Variants in MIB1 observed in about 807,000 individuals in gnomAD.
MIB1 encodes the protein E3 ubiquitin-protein ligase MIB1.
Under a neutral mutation model 124.5 loss-of-function variants are expected in MIB1, and 278 were observed. That is an observed-to-expected ratio of 2.23 (90% CI 2.02 to 2.47). The LOEUF is 2.47. Among genes scored for constraint, MIB1 ranks in the 30% most tolerant of loss-of-function variants. MIB1 has a pLI of 0.00. For synonymous variants in MIB1, 446 were observed against 429.4 expected (o/e 1.04, Z -0.48); for missense variants, 957 against 1,254.4 (o/e 0.76, Z 3.58).
At chr18:21,724,730 ATATATATAT>A (rs2040732753) in intron 1 of MIB1, among the ~76,000 whole-genome samples, 36 of 41,386 alleles carry the variant, frequency 8.7e-4, no homozygotes, top group Non-Finnish European at 1.1e-3. Flanking sequence ...AAAAAAAAAT[ATATATATAT>A]ATATATATAT....
chr18:21,741,856 A>C lies in MIB1; in HGVS notation c.229+44A>C, dbSNP rs1311490394. 2 of 1,494,634 alleles carry C rather than the reference A, an allele frequency of 1.3e-6. No homozygotes were observed. Among genetic ancestry groups the C allele is most frequent in the East Asian group, 2.5e-5 (1 of 39,800 alleles). The allele number at this position is 1,494,634 out of a possible 1,614,324, so 92.6% of individuals were successfully genotyped here. A position where few individuals can be genotyped will look rare whatever the true frequency, so the allele number is the denominator to read the frequency against. On this transcript the variant is annotated intron_variant, in intron 1 of 20. Coordinates refer to ENST00000261537, the MANE Select transcript of MIB1 (RefSeq NM_020774.4). The surrounding 1 kb of genome is among the most constrained non-coding windows in gnomAD (Gnocchi z 5.4). ...GCCAGGGCTTGCGCGCGCGGGGGGA[A>C]GGGGCGAGCTGCGGTGGGCGTCGGT...
chr18:21,835,138 A>C (rs540069409), intron 12 of MIB1, among the ~76,000 whole-genome samples: 23 of 152,306 alleles, frequency 1.5e-4, no homozygotes, highest in Middle Eastern at 6.8e-3. Flanking sequence ...TTTCAAGAAA[A>C]TATTATGTTT....
At chr18:21,710,280 G>A (rs1262573015) in intron 1 of MIB1, among the ~76,000 whole-genome samples, 1 of 152,066 alleles carries the variant, frequency 6.6e-6, no homozygotes, top group African/African-American at 2.4e-5. Flanking sequence ...ATTTTTTGTA[G>A]AGACGGTTTC....
At chr18:21,779,460 C>T (rs1284930542) in intron 5 of MIB1, 21 bp from the exon 6 acceptor site, 1 of 1,605,644 alleles carries the variant, frequency 6.2e-7, no homozygotes. Context: ...TCCCTTTATT[C>T]AATTGCCTCT....
intron 10 of MIB1, among the ~76,000 whole-genome samples, chr18:21,814,933 A>T (rs1471041141): frequency 6.9e-6 from 1 of 145,616 alleles, no homozygotes; most frequent in East Asian, 2.1e-4. Flanking sequence ...TCTTTGTAAA[A>T]ATTTTTAAAT....
chr18:21,727,204 A>C (rs1415036033), intron 1 of MIB1, among the ~76,000 whole-genome samples: 3 of 152,016 alleles, frequency 2.0e-5, no homozygotes, highest in Non-Finnish European at 4.4e-5. Flanking sequence ...CTACCTCCCA[A>C]GTTCAAGTGA....
intron 1 of MIB1, among the ~76,000 whole-genome samples, chr18:21,725,799 G>A (rs2146361396): frequency 6.6e-6 from 1 of 152,196 alleles, no homozygotes. Context: ...AGGAAGGAAG[G>A]AAGGAAGGAA....
Position 21,812,771 on chromosome 18 carries a change from T to C in MIB1, c.1480-2845T>C, listed in dbSNP as rs1169530635. On this transcript the variant is annotated intron_variant, in intron 10 of 20. Coordinates refer to ENST00000261537, the MANE Select transcript of MIB1 (RefSeq NM_020774.4). ...TTAATTTGAGGCCTCTTTATGAAAT[T>C]CTTTGAGATAATCTTATAGAGGTTA... 3.9e-5 allele frequency among the ~76,000 whole-genome samples: 6 copies of C among 152,186 alleles called. No homozygotes were observed. In the East Asian group the frequency reaches 1.2e-3, roughly 29 times the overall value.
At chr18:21,805,615 T>C (rs1392714522) in intron 10 of MIB1, among the ~76,000 whole-genome samples, 2 of 152,104 alleles carry the variant, frequency 1.3e-5, no homozygotes, top group African/African-American at 4.8e-5. Context: ...TTTAATTTAG[T>C]GAATCCAGAA....
chr18:21,713,848 C>G (rs1447544747), intron 1 of MIB1, among the ~76,000 whole-genome samples: 2 of 151,588 alleles, frequency 1.3e-5, no homozygotes, highest in African/African-American at 4.9e-5. Flanking sequence ...ATCCACCCTC[C>G]TCGGCCTCCC....
intron 1 of MIB1, among the ~76,000 whole-genome samples, chr18:21,724,721 AAAAAAAATATATATATAT>A (rs1436310858): frequency 8.6e-5 from 5 of 58,116 alleles, no homozygotes; most frequent in Non-Finnish European, 1.3e-4. Flanking sequence ...CCAAAAAAAA[AAAAAAAATATATATATAT>A]ATATATATAT....
intron 1 of MIB1, among the ~76,000 whole-genome samples, chr18:21,742,948 A>G (rs1568182862): frequency 6.6e-6 from 1 of 152,240 alleles, no homozygotes; most frequent in East Asian, 1.9e-4. Flanking sequence ...CATTTATTAA[A>G]AAAAATTTTT....
At chr18:21,794,166 A>T (rs2146446601) in intron 7 of MIB1, 1 of 152,362 alleles carries the variant, frequency 6.6e-6, no homozygotes, top group African/African-American at 2.4e-5. Context: ...CTCTTAAAAA[A>T]AATTGCAAAA....
At chr18:21,714,973 A>G (rs551273870) in intron 1 of MIB1, among the ~76,000 whole-genome samples, 2 of 152,268 alleles carry the variant, frequency 1.3e-5, no homozygotes, top group Non-Finnish European at 2.9e-5. Context: ...CAGACAGGAG[A>G]TAGGACTAGA....
Position 21,792,345 on chromosome 18 carries a change from G to A in MIB1, c.1092+788G>A, listed in dbSNP as rs149140963. 1.5e-3 allele frequency among the ~76,000 whole-genome samples: 221 copies of A among 151,872 alleles called. 5 individuals carry two copies. In the East Asian group the frequency reaches 0.037, roughly 25 times the overall value. On this transcript the variant is annotated intron_variant, in intron 7 of 20. Coordinates refer to ENST00000261537, the MANE Select transcript of MIB1 (RefSeq NM_020774.4). ...TGTACTTCATCTCACATCCCTCTTAGTATCCTATTACCCCCACTCTACTGT... is the reference window on the plus strand; with the variant it reads ...TGTACTTCATCTCACATCCCTCTTAATATCCTATTACCCCCACTCTACTGT...
chr18:21,719,812 A>C (rs2040706812), intron 1 of MIB1, among the ~76,000 whole-genome samples: 2 of 152,000 alleles, frequency 1.3e-5, no homozygotes, highest in Admixed American at 1.3e-4. Flanking sequence ...AGACCCTTTA[A>C]TATAGTTTGA....
intron 8 of MIB1, among the ~76,000 whole-genome samples, chr18:21,799,452 C>G (rs144353904): frequency 3.1e-4 from 47 of 152,022 alleles, no homozygotes; most frequent in African/African-American, 1.1e-3. Context: ...ATTTTAAAGT[C>G]TGTAGTATTG....
intron 16 of MIB1, among the ~76,000 whole-genome samples, chr18:21,848,274 G>A (rs996565721): frequency 2.0e-5 from 3 of 152,060 alleles, no homozygotes; most frequent in African/African-American, 7.2e-5. Flanking sequence ...TGACTAACAT[G>A]GTGAGACCCT....
chr18:21,710,452 C>CA (rs1408682633), intron 1 of MIB1, among the ~76,000 whole-genome samples: 1 of 152,092 alleles, frequency 6.6e-6, no homozygotes, highest in Non-Finnish European at 1.5e-5. Flanking sequence ...ATACTTTCCC[C>CA]AAAAAATCAA....
Sources: gnomAD v4.1 joint callset for allele counts (sites outside exome capture counted in the v4.1 genomes callset) on GRCh38, gnomAD v4.1.1 for gene constraint, Gnocchi (gnomAD v3.1) non-coding constraint, MANE v1.5 for transcripts, NCBI Gene and HGNC (gene_info 2026-07-23, HGNC 2026-07-21) for gene names.